Variants in C8A observed in about 807,000 individuals in gnomAD.
C8A encodes complement C8 alpha chain.
A neutral mutation model predicts 65.3 loss-of-function variants in C8A; 67 were observed. That is an observed-to-expected ratio of 1.03 (90% CI 0.84 to 1.26). The LOEUF (loss-of-function observed/expected upper bound fraction) is 1.26. Among genes scored for constraint, C8A ranks in the 50% most tolerant of loss-of-function variants. The pLI, the probability that C8A is intolerant of heterozygous loss-of-function variation, is 0.00. For missense variants in C8A, 781 were observed against 723.9 expected, an observed-to-expected ratio of 1.08 and a Z score of -0.90; for synonymous variants, 290 against 259.4, an observed-to-expected ratio of 1.12 and a Z score of -1.13.
At position 56,908,026 on chromosome 1, in the gene C8A, C is replaced by G; in HGVS notation, c.1293C>G (p.Ser431Arg). Residue 431 changes from serine to arginine, a missense_variant, in exon 9 of 11, where the codon AGC becomes AGG. Physicochemically the swap from Ser to Arg is moderately radical, Grantham distance 110. Transcript: ENST00000361249. ...TGCGAGGTGGCAGTTCTGGCTGGAG[C>G]GGTGGCTTGGCACAGAACAGGAGCA... ...SRVRGGSSGW[S>R]GGLAQNRSTI... 1 of 1,614,076 alleles carries G rather than the reference C, an allele frequency of 6.2e-7. No homozygotes were observed. Among genetic ancestry groups the G allele is most frequent in the South Asian group, 1.1e-5 (1 of 91,062 alleles).
At chr1:56,860,384 A>G (rs761592062) in intron 1 of C8A, among the ~76,000 whole-genome samples, 11 of 152,314 alleles carry the variant, frequency 7.2e-5, no homozygotes, top group Non-Finnish European at 1.6e-4. Flanking sequence ...GATCCCAAAG[A>G]ACCTTAGGCA....
At chr1:56,895,735 T>A (rs1051565773) in intron 7 of C8A, among the ~76,000 whole-genome samples, 1 of 152,104 alleles carries the variant, frequency 6.6e-6, no homozygotes, top group Non-Finnish European at 1.5e-5. Flanking sequence ...GCCCAGGAGT[T>A]TGAGACCAGC....
chr1:56,875,201 G>T, intron 3 of C8A, 108 bp downstream of exon 3: 1 of 1,335,518 alleles, frequency 7.5e-7, no homozygotes, highest in Non-Finnish European at 1.0e-6. Flanking sequence ...TTCCTCTCGA[G>T]GTTGCCATTC....
chr1:56,874,334 C>A (rs953210738), intron 2 of C8A, among the ~76,000 whole-genome samples: 3 of 152,118 alleles, frequency 2.0e-5, no homozygotes, highest in Non-Finnish European at 2.9e-5. Flanking sequence ...TGAGTCCTTT[C>A]CCACCTTAAC....
intron 8 of C8A, 44 bp from the exon 9 acceptor site, chr1:56,907,912 C>T (rs151327480): frequency 7.4e-6 from 12 of 1,612,064 alleles, no homozygotes; most frequent in Non-Finnish European, 7.6e-6. Flanking sequence ...AGTCCTTGGG[C>T]TTTTTGGGAA....
At position 56,900,992 on chromosome 1, in the gene C8A, C is replaced by T. The variant is rs1644422405; in HGVS notation, c.1097-5675C>T. Among the ~76,000 whole-genome samples the T allele has an allele frequency of 2.0e-5, 3 of 152,132 alleles. No homozygotes were observed. In the South Asian group the frequency reaches 6.2e-4, roughly 32 times the overall value. ...TGTCTGGAGCTCAGTGGGAGAAGCT[C>T]AATGAAAGAGATAAAGGGACTTTCT... On this transcript the variant is annotated intron_variant, in intron 7 of 10. Transcript: ENST00000361249.
intron 4 of C8A, among the ~76,000 whole-genome samples, chr1:56,880,439 GTAT>G (rs78795382): frequency 0.017 from 2,612 of 152,200 alleles, 55 homozygotes; most frequent in East Asian, 0.11. Flanking sequence ...TGAGAGGTAG[GTAT>G]TATTATGTCT....
intron 7 of C8A, among the ~76,000 whole-genome samples, chr1:56,896,124 C>T (rs905928323): frequency 2.0e-5 from 3 of 151,954 alleles, no homozygotes; most frequent in Non-Finnish European, 4.4e-5. Flanking sequence ...TCATCAATAG[C>T]CCTAAGGGAG....
chr1:56,888,858 G>C (rs1644321953), intron 7 of C8A, among the ~76,000 whole-genome samples: 1 of 152,090 alleles, frequency 6.6e-6, no homozygotes, highest in African/African-American at 2.4e-5. Context: ...CCAAGTTTTA[G>C]CTACATAAAC....
chr1:56,876,294 C>T lies in C8A; in HGVS notation c.464+85C>T, dbSNP rs1382110287. 2.6e-6 allele frequency: 4 copies of T among 1,534,658 alleles called. No homozygotes were observed. In the Admixed American group the frequency reaches 6.7e-5, roughly 26 times the overall value. On this transcript the variant is annotated intron_variant, in intron 4 of 10. Transcript: ENST00000361249. ...ATTAGTTTTGAGGACAGAAGGGGGC[C>T]ATTTTGGAGGGTTCCTCTGGAGTGC...
chr1:56,894,190 G>A (rs1644370704), intron 7 of C8A, among the ~76,000 whole-genome samples: 1 of 152,106 alleles, frequency 6.6e-6, no homozygotes, highest in Admixed American at 6.6e-5. Context: ...ACCCAGCTCT[G>A]AAACATTGCT....
chr1:56,887,617 T>C (rs1019004071), intron 7 of C8A, among the ~76,000 whole-genome samples: 6 of 152,198 alleles, frequency 3.9e-5, no homozygotes, highest in Non-Finnish European at 5.9e-5. Flanking sequence ...GTCAGATGGA[T>C]AGATTGCAAA....
intron 1 of C8A, among the ~76,000 whole-genome samples, chr1:56,861,044 T>C (rs1054865718): frequency 6.6e-6 from 1 of 152,236 alleles, no homozygotes; most frequent in Non-Finnish European, 1.5e-5. Flanking sequence ...ATTTGGCTCA[T>C]GGTTGTGCAA....
Position 56,883,676 on chromosome 1 carries a change from G to A in C8A, c.850G>A (p.Glu284Lys), listed in dbSNP as rs1198350201. 1 of 1,612,364 alleles carries A rather than the reference G, an allele frequency of 6.2e-7. No individual in the cohort carries two copies. The highest frequency in any genetic ancestry group is 1.1e-5 in the South Asian group (1 of 91,044). ...CTTGAACGAATTAAACAAGTATAATGAGAAGGTATTCAAACATAATGTCTG... is the reference window on the plus strand; with the variant it reads ...CTTGAACGAATTAAACAAGTATAATAAGAAGGTATTCAAACATAATGTCTG... ...SFLNELNKYN[E>K]KKFIFTRIFT... The change falls in exon 6 of 11, where the codon GAG becomes AAG. Residue 284 changes from glutamate (E) to lysine (K), a missense_variant. By Grantham distance (56) the Glu-to-Lys change is moderately conservative. Transcript: ENST00000361249.
chr1:56,859,828 G>A (rs1000935647), intron 1 of C8A, among the ~76,000 whole-genome samples: 7 of 152,118 alleles, frequency 4.6e-5, no homozygotes, highest in Admixed American at 3.3e-4. Flanking sequence ...TTGGGAGGAC[G>A]AGGCAGGTGG....
chr1:56,878,387 G>T (rs1644217984), intron 4 of C8A, among the ~76,000 whole-genome samples: 1 of 152,142 alleles, frequency 6.6e-6, no homozygotes, highest in South Asian at 2.1e-4. Context: ...GTAAACAATA[G>T]AAGTGTGAAA....
rs539296181 is a variant in C8A, at chr1:56,912,530, T to C, written c.1508T>C (p.Phe503Ser). 6.2e-6 allele frequency: 10 copies of C among 1,614,040 alleles called. No homozygotes were observed. Among genetic ancestry groups the C allele is most frequent in the Non-Finnish European group, 8.5e-6 (10 of 1,180,034 alleles). ...AATGCCTGCCGATGTGGGCCTTGCT[T>C]CAACAATGGGGTGCCCATCCTCGAG... Reference protein sequence around the residue: ...EFNACRCGPCFNNGVPILEGT... With the variant: ...EFNACRCGPCSNNGVPILEGT... The change falls in exon 10 of 11, where the codon TTC (phenylalanine) becomes TCC (serine). Residue 503 changes from phenylalanine (F) to serine (S), a missense_variant. Coordinates refer to ENST00000361249, the MANE Select transcript of C8A (RefSeq NM_000562.3).
rs1644444376 is a variant in C8A at position 56,903,866 on chromosome 1, A to T, written c.1097-2801A>T. Among the ~76,000 whole-genome samples, 3 of 152,174 alleles carry T rather than the reference A, an allele frequency of 2.0e-5. No homozygotes were observed. The South Asian group carries it at 6.2e-4, about 31-fold the overall frequency. ...CTAGTTACCTATATTTTTCAAAAGTACTCCAGATGATCTCAATGTACAGCC... is the reference window on the plus strand; with the variant it reads ...CTAGTTACCTATATTTTTCAAAAGTTCTCCAGATGATCTCAATGTACAGCC... On this transcript the variant is annotated intron_variant, in intron 7 of 10. Coordinates refer to ENST00000361249, the MANE Select transcript of C8A (RefSeq NM_000562.3).
chr1:56,889,258 C>T (rs1388394163), intron 7 of C8A, among the ~76,000 whole-genome samples: 2 of 152,112 alleles, frequency 1.3e-5, no homozygotes, highest in Non-Finnish European at 2.9e-5. Context: ...TAATCATCAC[C>T]TCATCTGCTG....
Sources: allele counts gnomAD v4.1 joint callset (sites outside exome capture counted in the v4.1 genomes callset), GRCh38; gene constraint gnomAD v4.1.1; transcripts MANE v1.5; gene names NCBI Gene and HGNC (gene_info 2026-07-23, HGNC 2026-07-21).